ARFGEF3: variants seen among roughly 807,000 people sequenced by gnomAD.
ARFGEF3 encodes ARFGEF family member 3, also known as brefeldin A-inhibited guanine nucleotide-exchange protein 3.
ARFGEF3 carries 96 observed loss-of-function variants against 221.7 expected under a neutral mutation model. The ratio of observed to expected loss-of-function variants is 0.43; its 90% CI spans 0.37 to 0.51. The LOEUF (loss-of-function observed/expected upper bound fraction) is 0.51. Among genes scored for constraint, ARFGEF3 ranks in the 20% least tolerant of loss-of-function variants. ARFGEF3 has a pLI of 0.00. For missense variants in ARFGEF3, 2,410 were observed against 2,789.9 expected, an observed-to-expected ratio of 0.86 and a Z score of 3.07; for synonymous variants, 1,145 against 1,126.8, an observed-to-expected ratio of 1.02 and a Z score of -0.32.
chr6:138,202,284 A>C (rs1777551341), intron 2 of ARFGEF3, among the ~76,000 whole-genome samples: 1 of 152,212 alleles, frequency 6.6e-6, no homozygotes, highest in Admixed American at 6.5e-5. Context: ...AAGGGGATTG[A>C]GTGTGTGCCA....
chr6:138,285,106 A>G (rs576800660), intron 14 of ARFGEF3, among the ~76,000 whole-genome samples: 1 of 152,270 alleles, frequency 6.6e-6, no homozygotes, highest in South Asian at 2.1e-4. Flanking sequence ...TGACCTACTT[A>G]CCTAATTTTA....
At chr6:138,183,534 G>A (rs563466363) in intron 2 of ARFGEF3, among the ~76,000 whole-genome samples, 4 of 152,224 alleles carry the variant, frequency 2.6e-5, no homozygotes, top group African/African-American at 7.2e-5. Flanking sequence ...GGAAGACAGG[G>A]TGGGGACTGG....
At chr6:138,184,696 A>G (rs1367573592) in intron 2 of ARFGEF3, among the ~76,000 whole-genome samples, 1 of 152,218 alleles carries the variant, frequency 6.6e-6, no homozygotes, top group African/African-American at 2.4e-5. Context: ...GGTGTCTGAA[A>G]TAAGAGAATT....
chr6:138,260,886 ACT>A (rs1417578812), intron 10 of ARFGEF3, among the ~76,000 whole-genome samples: 1 of 152,142 alleles, frequency 6.6e-6, no homozygotes, highest in Non-Finnish European at 1.5e-5. Context: ...TCTTTAGAAC[ACT>A]CTATTTGAAA....
chr6:138,212,384 A>G (rs746079902), intron 4 of ARFGEF3, among the ~76,000 whole-genome samples: 8 of 152,240 alleles, frequency 5.3e-5, no homozygotes, highest in Non-Finnish European at 5.9e-5. Context: ...AAAAAAGTTA[A>G]TGTAGAGAAA....
At chr6:138,240,370 T>C (rs1778371526) in intron 6 of ARFGEF3, among the ~76,000 whole-genome samples, 1 of 152,252 alleles carries the variant, frequency 6.6e-6, no homozygotes, top group African/African-American at 2.4e-5. Flanking sequence ...AACTTTGTAA[T>C]TTCAAAGTGC....
chr6:138,311,537 C>T lies in ARFGEF3; in HGVS notation c.4200+27C>T, dbSNP rs202055286. The T allele has an allele frequency of 3.1e-5, 47 of 1,513,856 alleles. 1 individual carries two copies. Among genetic ancestry groups the T allele is most frequent in the Middle Eastern group, 1.7e-4 (1 of 5,786 alleles). 93.8% of individuals were successfully genotyped at this position (1,513,856 alleles called of 1,614,324 possible). A position where few individuals can be genotyped will look rare whatever the true frequency, so the allele number is the denominator to read the frequency against. ...TAGGGGAATGGTCCAGCTGGGCTCC[C>T]GGCCTGGAAACCTGCCTCGGAACAT... On this transcript the variant is annotated intron_variant, in intron 25 of 33. Coordinates refer to ENST00000251691, the MANE Select transcript of ARFGEF3 (RefSeq NM_020340.5).
intron 4 of ARFGEF3, among the ~76,000 whole-genome samples, chr6:138,210,689 G>A (rs149713897): frequency 1.3e-5 from 2 of 152,212 alleles, no homozygotes; most frequent in African/African-American, 4.8e-5. Context: ...CCCCGTAACA[G>A]CACCTTGGTC....
At chr6:138,280,296 G>T in intron 14 of ARFGEF3, 132 bp downstream of exon 14, 2 of 827,694 alleles carry the variant, frequency 2.4e-6, no homozygotes, top group Non-Finnish European at 3.8e-6. Flanking sequence ...CCCTGGCAAT[G>T]GTGACAGTTC....
chr6:138,165,142 G>A (rs1479024085), intron 1 of ARFGEF3, among the ~76,000 whole-genome samples: 4 of 151,110 alleles, frequency 2.6e-5, no homozygotes, highest in African/African-American at 9.8e-5. Context: ...AGAGAGAGGG[G>A]GCATCCCCGT....
Position 138,292,007 on chromosome 6 carries a change from A to G in ARFGEF3, c.3322A>G (p.Ser1108Gly). The change falls in exon 19 of 34, where the codon AGC becomes GGC. Residue 1108 changes from serine to glycine, a missense_variant. By Grantham distance (56) the Ser-to-Gly change is moderately conservative. This residue lies in a region of ARFGEF3 where 184 missense variants were observed against 141.8 expected (regional missense o/e 1.30). Transcript: ENST00000251691. ...DFRGGSLMSG[S>G]SAAKVVLTLS... is the part of the protein sequence containing the mutation. Reference sequence around the variant, plus strand: ...CCGCGGCGGGAGCCTCATGAGCGGGAGCAGCGCGGCCAAGGTGGTGCTCAC... The same window carrying G: ...CCGCGGCGGGAGCCTCATGAGCGGGGGCAGCGCGGCCAAGGTGGTGCTCAC... 6.5e-7 allele frequency: 1 copy of G among 1,528,724 alleles called. No homozygotes were observed. The highest frequency in any genetic ancestry group is 8.7e-7 in the Non-Finnish European group (1 of 1,143,150). The allele number at this position is 1,528,724 out of a possible 1,614,324, so 94.7% of individuals were successfully genotyped here. A position where few individuals can be genotyped will look rare whatever the true frequency, so the allele number is the denominator to read the frequency against.
chr6:138,242,905 T>C, intron 6 of ARFGEF3, 47 bp from the exon 7 acceptor site: 2 of 1,531,716 alleles, frequency 1.3e-6, no homozygotes, highest in South Asian at 2.3e-5. Flanking sequence ...AGTCAAGATT[T>C]TTCTTGCCTG....
At chr6:138,197,088 C>G (rs534753192) in intron 2 of ARFGEF3, among the ~76,000 whole-genome samples, 1 of 152,334 alleles carries the variant, frequency 6.6e-6, no homozygotes, top group East Asian at 1.9e-4. Flanking sequence ...CTGCCTCAGC[C>G]TCCCAAAGTG....
intron 4 of ARFGEF3, among the ~76,000 whole-genome samples, chr6:138,219,655 G>C (rs1402023117): frequency 2.6e-5 from 4 of 152,166 alleles, no homozygotes; most frequent in Non-Finnish European, 5.9e-5. Flanking sequence ...GTAGGAGAGG[G>C]AAAGCCCAAG....
chr6:138,263,068 T>C lies in ARFGEF3; in HGVS notation c.1585T>C (p.Ser529Pro), dbSNP rs1778822411. ...ELGQTTPEDHSGNHKNSLKSP... is the reference protein window; with the variant it reads ...ELGQTTPEDHPGNHKNSLKSP... ...GGGTCAGACTACACCCGAGGACCAT[T>C]CGGGAAACCACAAGAACAGTCTCAA... Residue 529 changes from serine to proline, a missense_variant, in exon 12 of 34, where the codon TCG becomes CCG. Physicochemically the swap from Ser to Pro is moderately conservative, Grantham distance 74. Transcript: ENST00000251691. The C allele has an allele frequency of 2.5e-6, 4 of 1,613,404 alleles. No homozygotes were observed. Among genetic ancestry groups the C allele is most frequent in the Non-Finnish European group, 3.4e-6 (4 of 1,179,702 alleles).
chr6:138,186,919 T>C (rs867777456), intron 2 of ARFGEF3, among the ~76,000 whole-genome samples: 2,276 of 136,232 alleles, frequency 0.017, 71 homozygotes, highest in Middle Eastern at 0.051. Context: ...TTTTTTTTTT[T>C]TTTTTTTTTT....
chr6:138,179,464 T>A (rs1777019346), intron 2 of ARFGEF3, among the ~76,000 whole-genome samples: 1 of 152,182 alleles, frequency 6.6e-6, no homozygotes, highest in African/African-American at 2.4e-5. Context: ...TAACAGCTTT[T>A]TTTTTTCCCA....
chr6:138,335,125 C>A lies in ARFGEF3; in HGVS notation c.6279C>A (p.Pro2093=). 1 of 1,598,094 alleles carries A rather than the reference C, an allele frequency of 6.3e-7. No individual in the cohort carries two copies. Among genetic ancestry groups the A allele is most frequent in the Non-Finnish European group, 8.5e-7 (1 of 1,174,186 alleles). ...GPELLRQDKR[P]RSGSTGSSLS... Reference sequence around the variant, plus strand: ...AGCTGCTGCGACAGGACAAGAGGCCCCGCTCAGGCTCCACCGGGAGCTCCC... The same window carrying A: ...AGCTGCTGCGACAGGACAAGAGGCCACGCTCAGGCTCCACCGGGAGCTCCC... The change falls in exon 33 of 34, where the codon CCC becomes CCA. Residue 2093 remains proline, a synonymous_variant. Transcript: ENST00000251691.
intron 10 of ARFGEF3, among the ~76,000 whole-genome samples, chr6:138,261,279 T>A (rs945435305): frequency 6.6e-6 from 1 of 152,166 alleles, no homozygotes; most frequent in Admixed American, 6.5e-5. Context: ...TTTTCAACAA[T>A]CCCTCTGATC....
Sources: allele counts gnomAD v4.1 joint callset (sites outside exome capture counted in the v4.1 genomes callset), GRCh38; gene constraint gnomAD v4.1.1; regional missense constraint gnomAD v4.1.1; transcripts MANE v1.5; gene names NCBI Gene and HGNC (gene_info 2026-07-23, HGNC 2026-07-21).